Variants in NID2 observed in about 807,000 individuals in gnomAD.
NID2 encodes nidogen-2.
NID2 carries 83 observed loss-of-function variants against 145.4 expected under a neutral mutation model. The observed-to-expected ratio is 0.57, with a 90% CI of 0.48 to 0.69. The LOEUF is 0.69. NID2 is among the 30% of genes least tolerant of loss of function. The probability of loss-of-function intolerance (pLI) is 0.00; values close to 1 mark genes in which losing one functional copy is unlikely to be tolerated. For missense variants in NID2, 1,807 were observed against 1,765.7 expected, an observed-to-expected ratio of 1.02 and a Z score of -0.42; for synonymous variants, 739 against 701.3, an observed-to-expected ratio of 1.05 and a Z score of -0.85.
chr14:52,039,049 G>T, intron 8 of NID2, 72 bp from the exon 9 acceptor site: 2 of 1,038,976 alleles, frequency 1.9e-6, no homozygotes, highest in Non-Finnish European at 2.8e-6. Flanking sequence ...GGATTTTTCT[G>T]CAGTTTTTTT....
intron 8 of NID2, among the ~76,000 whole-genome samples, chr14:52,039,930 G>A (rs1892214756): frequency 6.6e-6 from 1 of 152,060 alleles, no homozygotes; most frequent in South Asian, 2.1e-4. Flanking sequence ...ATAAATTATA[G>A]CATCTCTGTG....
At chr14:52,059,214 G>C (rs867660678) in intron 3 of NID2, among the ~76,000 whole-genome samples, 1 of 152,172 alleles carries the variant, frequency 6.6e-6, no homozygotes, top group African/African-American at 2.4e-5. Context: ...CAAGTAGTAA[G>C]TTTTCAATAA....
chr14:52,041,301 A>G (rs1892271494), intron 7 of NID2, among the ~76,000 whole-genome samples: 1 of 152,236 alleles, frequency 6.6e-6, no homozygotes, highest in Non-Finnish European at 1.5e-5. Context: ...TATCTGAAAT[A>G]CAAATTTATC....
rs201068748 is a variant in NID2, at chr14:52,060,285, G to A, written c.606C>T (p.Asn202=). ...DSYALFLYPA[N]GLQFLGTRPK... ...GGCGGGTTCCAAGGAACTGCAGGCC[G>A]TTGGCAGGATAAAGAAAGAGGGCGT... Residue 202 remains asparagine (N), a synonymous_variant, in exon 3 of 22, where the codon AAC becomes AAT. Coordinates refer to ENST00000216286, the MANE Select transcript of NID2 (RefSeq NM_007361.4). 125 of 1,612,726 alleles carry A rather than the reference G, an allele frequency of 7.8e-5. No homozygotes were observed. Among genetic ancestry groups the A allele is most frequent in the East Asian group, 4.5e-5 (2 of 44,782 alleles).
intron 9 of NID2, among the ~76,000 whole-genome samples, chr14:52,031,453 A>G (rs1464736423): frequency 1.3e-5 from 2 of 152,176 alleles, no homozygotes; most frequent in African/African-American, 2.4e-5. Context: ...CTCTAATCTT[A>G]GACTCAAAAG....
intron 14 of NID2, among the ~76,000 whole-genome samples, chr14:52,016,812 G>T (rs938267787): frequency 2.0e-5 from 3 of 152,158 alleles, no homozygotes; most frequent in Non-Finnish European, 4.4e-5. Flanking sequence ...GAACAAAGCT[G>T]GGAGCATTAT....
intron 9 of NID2, among the ~76,000 whole-genome samples, chr14:52,030,414 G>T (rs1595023261): frequency 6.6e-6 from 1 of 150,520 alleles, no homozygotes; most frequent in Admixed American, 6.7e-5. Context: ...GAGGTAGGAG[G>T]ATAGTTTGAA....
At chr14:52,038,707 G>T in intron 9 of NID2, 40 bp downstream of exon 9, 1 of 1,453,098 alleles carries the variant, frequency 6.9e-7, no homozygotes, top group Non-Finnish European at 9.3e-7. Flanking sequence ...CTACTTAAAA[G>T]GATGTCATTT....
chr14:52,059,374 TA>T (rs1188545148), intron 3 of NID2, among the ~76,000 whole-genome samples: 1 of 152,146 alleles, frequency 6.6e-6, no homozygotes, highest in Non-Finnish European at 1.5e-5. Context: ...GGCCAGGAAG[TA>T]ACCAATGTAT....
rs1258347649 is a variant in NID2, at chr14:52,019,186, T to G, written c.2903A>C (p.Asn968Thr). ...GCCATGACACTGTAGGGGCAGGAAG[T>G]TGCCCTGCTCGTCGCATTGGGGGAT... ...FHIPQCDEQGNFLPLQCHGST... is the reference protein window; with the variant it reads ...FHIPQCDEQGTFLPLQCHGST... The change falls in exon 14 of 22, where the codon AAC becomes ACC. Residue 968 changes from asparagine (N) to threonine (T), a missense_variant. Coordinates refer to ENST00000216286, the MANE Select transcript of NID2 (RefSeq NM_007361.4). The G allele has an allele frequency of 6.2e-7, 1 of 1,613,874 alleles. No individual in the cohort carries two copies. The highest frequency in any genetic ancestry group is 2.2e-5 in the East Asian group (1 of 44,878).
At chr14:52,043,080 A>C in intron 5 of NID2, 149 bp from the exon 6 acceptor site, 1 of 735,886 alleles carries the variant, frequency 1.4e-6, no homozygotes, top group Non-Finnish European at 2.2e-6. Context: ...ATTCAACCCA[A>C]GGGAATTAAT....
Position 52,015,584 on chromosome 14 carries a change from G to A in NID2, c.3029-309C>T, listed in dbSNP as rs1891190207. ...CAGTGCAGCTCACTCAGCCTGGGAA[G>A]GGGCATGATCTCCTTCTGGCCAGGA... is the stretch of plus-strand genomic sequence containing the variant. On this transcript the variant is annotated intron_variant, in intron 14 of 21. Coordinates refer to ENST00000216286, the MANE Select transcript of NID2 (RefSeq NM_007361.4). 2.0e-5 allele frequency among the ~76,000 whole-genome samples: 3 copies of A among 152,308 alleles called. No homozygotes were observed. In the South Asian group the frequency reaches 6.2e-4, roughly 32 times the overall value.
At chr14:52,014,064 T>A in intron 16 of NID2, 3 of 605,386 alleles carry the variant, frequency 5.0e-6, no homozygotes, top group South Asian at 3.7e-5. Flanking sequence ...TGAAACTCCA[T>A]GAACGAACCA....
intron 16 of NID2, 143 bp from the exon 17 acceptor site, chr14:52,011,826 T>A: frequency 1.0e-6 from 1 of 958,344 alleles, no homozygotes; most frequent in Non-Finnish European, 1.6e-6. Context: ...GCTGGACATG[T>A]GGGCACTCGG....
chr14:52,067,775 C>T, intron 2 of NID2, 83 bp downstream of exon 2: 11 of 1,514,190 alleles, frequency 7.3e-6, no homozygotes, highest in Non-Finnish European at 1.0e-5. Flanking sequence ...AGAAACAACT[C>T]CGAGCCAGTC....
chr14:52,012,772 G>A lies in NID2; in HGVS notation c.3421-1089C>T, dbSNP rs973101648. ...TGATATTTTTCCTCAACTCCATGCA[G>A]AACTTGCTTCATTCAGTTTCCAATC... On this transcript the variant is annotated intron_variant, in intron 16 of 21. Coordinates refer to ENST00000216286, the MANE Select transcript of NID2 (RefSeq NM_007361.4). 2.6e-5 allele frequency among the ~76,000 whole-genome samples: 4 copies of A among 152,308 alleles called. No homozygotes were observed. In the East Asian group the frequency reaches 7.7e-4, roughly 29 times the overall value.
At chr14:52,056,098 G>A (rs1317696582) in intron 3 of NID2, among the ~76,000 whole-genome samples, 1 of 152,120 alleles carries the variant, frequency 6.6e-6, no homozygotes, top group African/African-American at 2.4e-5. Flanking sequence ...GGTGTTTATT[G>A]GCAAGCAAAT....
intron 2 of NID2, among the ~76,000 whole-genome samples, chr14:52,066,619 A>C (rs1211023894): frequency 6.6e-6 from 1 of 152,184 alleles, no homozygotes; most frequent in Non-Finnish European, 1.5e-5. Flanking sequence ...AAGAGTCCCC[A>C]TACAAAAGAT....
chr14:52,044,342 T>G (rs1376410643), intron 5 of NID2, among the ~76,000 whole-genome samples: 2 of 135,528 alleles, frequency 1.5e-5, no homozygotes, highest in African/African-American at 5.6e-5. Context: ...CGATCACAGC[T>G]CACTGCAAGC....
Sources: allele counts gnomAD v4.1 joint callset (sites outside exome capture counted in the v4.1 genomes callset), GRCh38; gene constraint gnomAD v4.1.1; transcripts MANE v1.5; gene names NCBI Gene and HGNC (gene_info 2026-07-23, HGNC 2026-07-21).